CACNA1G: variants seen among roughly 807,000 people sequenced by gnomAD.
CACNA1G encodes voltage-dependent T-type calcium channel subunit alpha-1G.
Under a neutral mutation model 219.4 loss-of-function variants are expected in CACNA1G, and 67 were observed. The observed-to-expected ratio is 0.31, with a 90% CI of 0.25 to 0.37. The LOEUF (loss-of-function observed/expected upper bound fraction) is 0.37, where lower values mean the gene tolerates loss of function less well. CACNA1G is among the 10% of genes least tolerant of loss of function. The probability of loss-of-function intolerance (pLI) is 1.00; values close to 1 mark genes in which losing one functional copy is unlikely to be tolerated. For missense variants in CACNA1G, 2,380 were observed against 3,231.4 expected (o/e 0.74, Z 6.39); for synonymous variants, 1,296 against 1,345.3 (o/e 0.96, Z 0.80).
At chr17:50,623,863 C>G in intron 35 of CACNA1G, 44 bp from the exon 36 acceptor site, 1 of 1,582,948 alleles carries the variant, frequency 6.3e-7, no homozygotes, top group Non-Finnish European at 8.6e-7. Flanking sequence ...ACCAAACCCA[C>G]GCACACCCTC....
rs189457803 is a variant in CACNA1G, at chr17:50,603,737, A to T, written c.4170-418A>T. Among the ~76,000 whole-genome samples, 4 of 150,020 alleles carry T rather than the reference A, an allele frequency of 2.7e-5. No homozygotes were observed. The East Asian group carries it at 5.8e-4, about 22-fold the overall frequency. Reference sequence around the variant, plus strand: ...AGATTTTTTTTTTTTAATAGGGATGATGTGGACTAATGGCGATGCTTCCCT... The same window carrying T: ...AGATTTTTTTTTTTTAATAGGGATGTTGTGGACTAATGGCGATGCTTCCCT... On this transcript the variant is annotated intron_variant, in intron 21 of 37. Transcript: ENST00000359106. The surrounding 1 kb of genome is among the most constrained non-coding windows in gnomAD (Gnocchi z 6.4).
At chr17:50,595,123 G>T in intron 14 of CACNA1G, 62 bp downstream of exon 14, 1 of 1,245,952 alleles carries the variant, frequency 8.0e-7, no homozygotes. Flanking sequence ...CCTCCACTCC[G>T]CCTCCGTGTC....
Position 50,619,020 on chromosome 17 carries a change from C to T in CACNA1G, c.5781+12C>T, listed in dbSNP as rs748628333. 2.7e-6 allele frequency: 4 copies of T among 1,501,786 alleles called. No individual in the cohort carries two copies. The highest frequency in any genetic ancestry group is 2.3e-5 in the East Asian group (1 of 43,668). 93.0% of individuals were successfully genotyped at this position (1,501,786 alleles called of 1,614,324 possible). ...TGGAGCACCCCACGGTGAGCAGACA[C>T]CCACCCCAGCCGTGAGAGGAGCTGG... is the stretch of plus-strand genomic sequence containing the variant. On this transcript the variant is annotated intron_variant, in intron 33 of 37. Transcript: ENST00000359106.
At chr17:50,613,777 G>A (rs948547684) in intron 26 of CACNA1G, among the ~76,000 whole-genome samples, 2 of 152,230 alleles carry the variant, frequency 1.3e-5, no homozygotes. Context: ...GGCGACTAGC[G>A]CCCTCTGGTT....
chr17:50,618,675 C>T lies in CACNA1G; in HGVS notation c.5448C>T (p.Asp1816=), dbSNP rs1347603675. The change falls in exon 33 of 38, where the codon GAC becomes GAT. Residue 1816 remains aspartate (D), a synonymous_variant. Transcript: ENST00000359106. This position sits in a 1 kb window ranked among gnomAD's most constrained non-coding sequence, Gnocchi z 5.3. Reference sequence around the variant, plus strand: ...CCCAGGACACCCTCCGGGACTGTGACCAGGAGTCCACCTGCTACAACACGG... The same window carrying T: ...CCCAGGACACCCTCCGGGACTGTGATCAGGAGTCCACCTGCTACAACACGG... ...GIMKDTLRDC[D]QESTCYNTVI... is the part of the protein sequence containing the mutation. 1.9e-6 allele frequency: 3 copies of T among 1,613,330 alleles called. No individual in the cohort carries two copies. The highest frequency in any genetic ancestry group is 3.3e-5 in the Admixed American group (2 of 59,994).
rs369751310 is a variant in CACNA1G at position 50,596,865 on chromosome 17, G to C, written c.3200G>C (p.Arg1067Pro). ...GLGEALGPAS[R>P]RTSSSGSAEP... ...GGCGAGGCGCTGGGCCCTGCGTCGC[G>C]CCGCACCAGCAGCAGCGGGTCGGCA... Residue 1067 changes from arginine (R) to proline (P), a missense_variant, in exon 16 of 38, where the codon CGC becomes CCC. Transcript: ENST00000359106. The surrounding 1 kb of genome is among the most constrained non-coding windows in gnomAD (Gnocchi z 4.8). 1 of 1,594,414 alleles carries C rather than the reference G, an allele frequency of 6.3e-7. No individual in the cohort carries two copies. Among genetic ancestry groups the C allele is most frequent in the Non-Finnish European group, 8.5e-7 (1 of 1,170,918 alleles).
intron 4 of CACNA1G, 49 bp downstream of exon 4, chr17:50,569,852 ATG>A: frequency 7.1e-7 from 1 of 1,401,382 alleles, no homozygotes; most frequent in Non-Finnish European, 9.8e-7. Context: ...CCAGGAGGAA[ATG>A]TGGAACTCTC....
In CACNA1G at chr17:50,575,769, G is replaced by C; in HGVS notation, c.1367G>C (p.Arg456Pro). The stretch of plus-strand genomic sequence containing the variant: ...GCCCGCAGGCTGGCTCAGGTCTCTC[G>C]GGCAGCAGGTGTGCGGGTTGGGCTG... Reference protein sequence around the residue: ...KAARRLAQVSRAAGVRVGLLS... With the variant: ...KAARRLAQVSPAAGVRVGLLS... The change falls in exon 8 of 38, where the codon CGG (arginine) becomes CCG (proline). Residue 456 changes from arginine to proline, a missense_variant. Arg to Pro is a moderately radical substitution (Grantham distance 103). Coordinates refer to ENST00000359106, the MANE Select transcript of CACNA1G (RefSeq NM_018896.5). 6.4e-7 allele frequency: 1 copy of C among 1,559,114 alleles called. No individual in the cohort carries two copies. Among genetic ancestry groups the C allele is most frequent in the Non-Finnish European group, 8.7e-7 (1 of 1,151,862 alleles).
At chr17:50,612,327 G>A (rs1387134837) in intron 26 of CACNA1G, among the ~76,000 whole-genome samples, 2 of 152,256 alleles carry the variant, frequency 1.3e-5, no homozygotes, top group Non-Finnish European at 1.5e-5. Flanking sequence ...GCAGAAGAGC[G>A]GAGCCTGTGA....
At chr17:50,620,837 C>T (rs1000199399) in intron 34 of CACNA1G, among the ~76,000 whole-genome samples, 1 of 152,230 alleles carries the variant, frequency 6.6e-6, no homozygotes, top group African/African-American at 2.4e-5. Flanking sequence ...TTTCCGAGGC[C>T]TCCCCTTCCT....
At position 50,603,138 on chromosome 17, in the gene CACNA1G, G is replaced by A. The variant is rs754975616; in HGVS notation, c.4108G>A (p.Gly1370Ser). Reference protein sequence around the residue: ...DILVSMVSDSGTKILGMLRVL... With the variant: ...DILVSMVSDSSTKILGMLRVL... ...TCTGGTGTCCATGGTCTCTGACAGC[G>A]GCACCAAGATCCTGGGCATGCTGAG... The change falls in exon 21 of 38, where the codon GGC becomes AGC. Residue 1370 changes from glycine to serine, a missense_variant. Transcript: ENST00000359106. The surrounding 1 kb of genome is among the most constrained non-coding windows in gnomAD (Gnocchi z 6.4). 43 of 1,612,406 alleles carry A rather than the reference G, an allele frequency of 2.7e-5. No individual in the cohort carries two copies. Among genetic ancestry groups the A allele is most frequent in the African/African-American group, 1.7e-4 (13 of 74,846 alleles).
rs905105765 is a variant in CACNA1G at position 50,596,144 on chromosome 17, G to C, written c.2980-418G>C. Among the ~76,000 whole-genome samples the C allele has an allele frequency of 6.6e-6, 1 of 152,104 alleles. No individual in the cohort carries two copies. The highest frequency in any genetic ancestry group is 1.5e-5 in the Non-Finnish European group (1 of 68,024). On this transcript the variant is annotated intron_variant, in intron 14 of 37. Transcript: ENST00000359106. This position sits in a 1 kb window ranked among gnomAD's most constrained non-coding sequence, Gnocchi z 4.8. The stretch of plus-strand genomic sequence containing the variant: ...CTCGAGTCTGAGGCTCAGGGGAGGG[G>C]AGCCGTGGAGAGAAAGCAAAGGGCC...
intron 10 of CACNA1G, among the ~76,000 whole-genome samples, chr17:50,591,127 C>A (rs1431271485): frequency 6.6e-6 from 1 of 152,228 alleles, no homozygotes; most frequent in Non-Finnish European, 1.5e-5. Flanking sequence ...CTTTAGATTT[C>A]ATTAGAAGAG....
Position 50,617,807 on chromosome 17 carries a change from G to T in CACNA1G, c.5156-52G>T. 6.3e-7 allele frequency: 1 copy of T among 1,595,066 alleles called. No individual in the cohort carries two copies. The highest frequency in any genetic ancestry group is 1.1e-5 in the South Asian group (1 of 90,690). On this transcript the variant is annotated intron_variant, in intron 29 of 37. Coordinates refer to ENST00000359106, the MANE Select transcript of CACNA1G (RefSeq NM_018896.5). The surrounding 1 kb of genome is among the most constrained non-coding windows in gnomAD (Gnocchi z 5.8). ...AGCCCTGGTCCTGACTCTGCCAGCTGTCTGGCCGGGGACCCAAAGAGGCCA... is the reference window on the plus strand; with the variant it reads ...AGCCCTGGTCCTGACTCTGCCAGCTTTCTGGCCGGGGACCCAAAGAGGCCA...
At chr17:50,615,638 C>T (rs1457068319) in intron 27 of CACNA1G, 126 bp downstream of exon 27, 2 of 945,612 alleles carry the variant, frequency 2.1e-6, no homozygotes, top group East Asian at 2.7e-5. Context: ...TACATGGGTT[C>T]CTCTTGTGCC....
intron 9 of CACNA1G, among the ~76,000 whole-genome samples, chr17:50,580,960 G>A (rs2041832866): frequency 6.6e-6 from 1 of 152,084 alleles, no homozygotes; most frequent in African/African-American, 2.4e-5. Flanking sequence ...AAGGCAGCAA[G>A]GAGATGTGGG....
chr17:50,575,791 G>C lies in CACNA1G; in HGVS notation c.1389G>C (p.Gly463=), dbSNP rs375013995. ...QVSRAAGVRV[G]LLSSPAPLGG... Reference sequence around the variant, plus strand: ...CTCGGGCAGCAGGTGTGCGGGTTGGGCTGCTCAGCAGCCCAGCACCCCTCG... The same window carrying C: ...CTCGGGCAGCAGGTGTGCGGGTTGGCCTGCTCAGCAGCCCAGCACCCCTCG... Residue 463 remains glycine, a synonymous_variant, in exon 8 of 38, where the codon GGG becomes GGC. Coordinates refer to ENST00000359106, the MANE Select transcript of CACNA1G (RefSeq NM_018896.5). 3 of 1,553,328 alleles carry C rather than the reference G, an allele frequency of 1.9e-6. No individual in the cohort carries two copies. The highest frequency in any genetic ancestry group is 1.2e-5 in the South Asian group (1 of 84,334).
chr17:50,587,316 C>T (rs963115032), intron 9 of CACNA1G, among the ~76,000 whole-genome samples: 4 of 152,186 alleles, frequency 2.6e-5, no homozygotes, highest in Admixed American at 2.6e-4. Flanking sequence ...GCTCACAGCC[C>T]TCCCTCGTTT....
In CACNA1G at chr17:50,575,971, C is replaced by A. The variant is rs1290398685; in HGVS notation, c.1569C>A (p.Asp523Glu). ...RAPRASPEIQ[D>E]RDANGSRRLM... ...CCCGGGCCAGCCCGGAGATCCAGGA[C>A]AGGGATGCCAATGGGTCCCGCCGGC... The change falls in exon 8 of 38, where the codon GAC (aspartate) becomes GAA (glutamate). Residue 523 changes from aspartate (D) to glutamate (E), a missense_variant. Around this residue, in one of 17 missense-constraint regions of CACNA1G, gnomAD observed 434 missense variants for 417.3 expected, o/e 1.04. Coordinates refer to ENST00000359106, the MANE Select transcript of CACNA1G (RefSeq NM_018896.5). The A allele has an allele frequency of 3.5e-5, 55 of 1,552,166 alleles. No individual in the cohort carries two copies. The highest frequency in any genetic ancestry group is 4.7e-5 in the Non-Finnish European group (54 of 1,148,206).
Sources: gnomAD v4.1 joint callset for allele counts (sites outside exome capture counted in the v4.1 genomes callset) on GRCh38, gnomAD v4.1.1 for gene constraint, gnomAD v4.1.1 regional missense constraint, Gnocchi (gnomAD v3.1) non-coding constraint, MANE v1.5 for transcripts, NCBI Gene and HGNC (gene_info 2026-07-23, HGNC 2026-07-21) for gene names.